Variants in XYLT2 observed in about 807,000 individuals in gnomAD.
XYLT2 encodes the protein UDP-D-xylose:proteoglycan core protein beta-D-xylosyltransferase.
XYLT2 carries 37 observed loss-of-function variants against 82.6 expected under a neutral mutation model. That is an observed-to-expected ratio of 0.45 (90% CI 0.34 to 0.59). XYLT2 has a LOEUF of 0.59. XYLT2 is among the 20% of genes least tolerant of loss of function. The probability of loss-of-function intolerance (pLI) is 0.01; values close to 1 mark genes in which losing one functional copy is unlikely to be tolerated. For missense variants in XYLT2, 934 were observed against 1,181.3 expected (o/e 0.79, Z 3.07); for synonymous variants, 474 against 499.0 (o/e 0.95, Z 0.67).
intron 9 of XYLT2, 130 bp from the exon 10 acceptor site, chr17:50,358,077 T>C: frequency 1.2e-6 from 1 of 811,606 alleles, no homozygotes; most frequent in South Asian, 1.8e-5. Flanking sequence ...CCCCTTCATT[T>C]TGCAGATGGG....
chr17:50,346,317 G>C lies in XYLT2; in HGVS notation c.135+42G>C. 9.7e-7 allele frequency: 1 copy of C among 1,027,902 alleles called. No homozygotes were observed. Among genetic ancestry groups the C allele is most frequent in the Non-Finnish European group, 1.2e-6 (1 of 858,822 alleles). The allele number at this position is 1,027,902 out of a possible 1,614,324, so 63.7% of individuals were successfully genotyped here. ...GCGGGCGGGCAGGCCGGGCGCGGGG[G>C]CGCGCGGGGTCCTGGCGGGGCTGCG... is the stretch of plus-strand genomic sequence containing the variant. On this transcript the variant is annotated intron_variant, in intron 1 of 10. Transcript: ENST00000017003. This position sits in a 1 kb window ranked among gnomAD's most constrained non-coding sequence, Gnocchi z 5.1.
chr17:50,346,326 GTCC>G lies in XYLT2; in HGVS notation c.135+53_135+55del. On this transcript the variant is annotated intron_variant, in intron 1 of 10. Coordinates refer to ENST00000017003, the MANE Select transcript of XYLT2 (RefSeq NM_022167.4). The surrounding 1 kb of genome is among the most constrained non-coding windows in gnomAD (Gnocchi z 5.1). ...CAGGCCGGGCGCGGGGGCGCGCGGG[GTCC>G]TGGCGGGGCTGCGGGCGGCCCCAGC... 9.9e-7 allele frequency: 1 copy of G among 1,014,204 alleles called. No individual in the cohort carries two copies. Among genetic ancestry groups the G allele is most frequent in the Non-Finnish European group, 1.2e-6 (1 of 850,038 alleles). The allele number at this position is 1,014,204 out of a possible 1,614,324, so 62.8% of individuals were successfully genotyped here. A position where few individuals can be genotyped will look rare whatever the true frequency, so the allele number is the denominator to read the frequency against.
rs991378412 is a variant in XYLT2, at chr17:50,347,277, T to A, written c.135+1002T>A. Reference sequence around the variant, plus strand: ...GCCTCCAGGGCTCCGGGTCAGAGACTCTATCTGCTGCTGTCCTCCGGCAAG... The same window carrying A: ...GCCTCCAGGGCTCCGGGTCAGAGACACTATCTGCTGCTGTCCTCCGGCAAG... On this transcript the variant is annotated intron_variant, in intron 1 of 10. Coordinates refer to ENST00000017003, the MANE Select transcript of XYLT2 (RefSeq NM_022167.4). Among the ~76,000 whole-genome samples, 13 of 144,786 alleles carry A rather than the reference T, an allele frequency of 9.0e-5. No individual in the cohort carries two copies. The Middle Eastern group carries it at 0.011, about 128-fold the overall frequency. 95.0% of individuals were successfully genotyped at this position (144,786 alleles called of 152,430 possible).
chr17:50,359,933 C>A (rs748403760), intron 10 of XYLT2, 36 bp from the exon 11 acceptor site: 1 of 1,514,974 alleles, frequency 6.6e-7, no homozygotes, highest in African/African-American at 1.4e-5. Context: ...GAGTCTGTTG[C>A]AGGGGGTGTG....
intron 3 of XYLT2, 111 bp from the exon 4 acceptor site, chr17:50,354,743 C>A: frequency 6.5e-7 from 1 of 1,548,008 alleles, no homozygotes; most frequent in Admixed American, 1.7e-5. Flanking sequence ...CGCTTAGGGG[C>A]TGGAGCCCTG....
At chr17:50,356,846 C>A in intron 8 of XYLT2, 73 bp downstream of exon 8, 1 of 1,539,562 alleles carries the variant, frequency 6.5e-7, no homozygotes, top group South Asian at 1.2e-5. Flanking sequence ...CAGAGAGTGA[C>A]GTCCCCTGCC....
chr17:50,350,675 A>G (rs914165054), intron 1 of XYLT2, among the ~76,000 whole-genome samples: 1 of 152,186 alleles, frequency 6.6e-6, no homozygotes, highest in Admixed American at 6.5e-5. Context: ...GGAACTTACA[A>G]TCTTCTGAGG....
Position 50,346,550 on chromosome 17 carries a change from C to A in XYLT2, c.135+275C>A. On this transcript the variant is annotated intron_variant, in intron 1 of 10. Transcript: ENST00000017003. This position sits in a 1 kb window ranked among gnomAD's most constrained non-coding sequence, Gnocchi z 5.1. ...GAGCAGGTCATGCTAGGGTGGTCTCCGGCCAAGGGAGCGATGAAGGTCAGG... is the reference window on the plus strand; with the variant it reads ...GAGCAGGTCATGCTAGGGTGGTCTCAGGCCAAGGGAGCGATGAAGGTCAGG... 1 of 957,100 alleles carries A rather than the reference C, an allele frequency of 1.0e-6. No homozygotes were observed. Among genetic ancestry groups the A allele is most frequent in the Non-Finnish European group, 1.2e-6 (1 of 804,102 alleles). 59.3% of individuals were successfully genotyped at this position (957,100 alleles called of 1,614,324 possible). A position where few individuals can be genotyped will look rare whatever the true frequency, so the allele number is the denominator to read the frequency against.
chr17:50,355,080 C>G (rs776168770), intron 4 of XYLT2, 24 bp downstream of exon 4: 2 of 1,521,638 alleles, frequency 1.3e-6, no homozygotes, highest in Non-Finnish European at 1.8e-6. Flanking sequence ...GCTCTGAGTC[C>G]TCTGCATGGG....
chr17:50,357,885 T>TC (rs369125657), intron 9 of XYLT2: 1 of 323,524 alleles, frequency 3.1e-6, no homozygotes, highest in East Asian at 5.2e-5. Flanking sequence ...TGGCCCCTCC[T>TC]CATAGTCTCT....
Position 50,346,736 on chromosome 17 carries a change from GA to G in XYLT2, c.135+462del. The stretch of plus-strand genomic sequence containing the variant: ...AGGGCGTCCTTCCCCAGCTGAGCCC[GA>G]GGGGCAGCGGCCGGTGAGGAAGGGG... On this transcript the variant is annotated intron_variant, in intron 1 of 10. Coordinates refer to ENST00000017003, the MANE Select transcript of XYLT2 (RefSeq NM_022167.4). This position sits in a 1 kb window ranked among gnomAD's most constrained non-coding sequence, Gnocchi z 5.1. The G allele has an allele frequency of 1.0e-6, 1 of 985,418 alleles. No individual in the cohort carries two copies. The allele number at this position is 985,418 out of a possible 1,614,324, so 61.0% of individuals were successfully genotyped here. A position where few individuals can be genotyped will look rare whatever the true frequency, so the allele number is the denominator to read the frequency against.
In XYLT2 at chr17:50,360,256, C is replaced by G; in HGVS notation, c.2563C>G (p.Leu855Val). 1 of 1,609,158 alleles carries G rather than the reference C, an allele frequency of 6.2e-7. No individual in the cohort carries two copies. Among genetic ancestry groups the G allele is most frequent in the South Asian group, 1.1e-5 (1 of 90,776 alleles). ...SSLSPDPKSE[L>V]GPVKADGRLR is the part of the protein sequence containing the mutation. The stretch of plus-strand genomic sequence containing the variant: ...TCTGTCCCCCGACCCCAAATCAGAG[C>G]TGGGGCCTGTCAAAGCAGACGGGCG... The change falls in exon 11 of 11, where the codon CTG (leucine) becomes GTG (valine). Residue 855 changes from leucine (L) to valine (V), a missense_variant. By Grantham distance (32) the Leu-to-Val change is conservative. Coordinates refer to ENST00000017003, the MANE Select transcript of XYLT2 (RefSeq NM_022167.4).
At chr17:50,347,972 G>A (rs1241067808) in intron 1 of XYLT2, among the ~76,000 whole-genome samples, 1 of 152,208 alleles carries the variant, frequency 6.6e-6, no homozygotes, top group East Asian at 1.9e-4. Context: ...GGCACCTCCC[G>A]TGTTAGGTGA....
In XYLT2 at chr17:50,358,462, C is replaced by A; in HGVS notation, c.2197C>A (p.Gln733Lys). Reference protein sequence around the residue: ...RPGPWTVRLLQFWEPLGETRF... With the variant: ...RPGPWTVRLLKFWEPLGETRF... ...AGGGCCCTGGACTGTTCGACTCCTT[C>A]AGTTCTGGGAACCGCTGGGTGAGAC... Residue 733 changes from glutamine to lysine, a missense_variant, in exon 10 of 11, where the codon CAG (glutamine) becomes AAG (lysine). Gln to Lys is a moderately conservative substitution (Grantham distance 53). Coordinates refer to ENST00000017003, the MANE Select transcript of XYLT2 (RefSeq NM_022167.4). The A allele has an allele frequency of 6.2e-7, 1 of 1,614,218 alleles. No homozygotes were observed. Among genetic ancestry groups the A allele is most frequent in the Non-Finnish European group, 8.5e-7 (1 of 1,180,044 alleles).
Position 50,350,546 on chromosome 17 carries a change from A to G in XYLT2, c.136-3084A>G, listed in dbSNP as rs545846866. Among the ~76,000 whole-genome samples the G allele has an allele frequency of 6.2e-4, 94 of 150,760 alleles. 1 individual carries two copies. Among genetic ancestry groups the G allele is most frequent in the South Asian group, 4.7e-3 (22 of 4,666 alleles). On this transcript the variant is annotated intron_variant, in intron 1 of 10. Transcript: ENST00000017003. ...TGCACCACTGCACTCCAGCCTGGGCAATAGAGTGAGACTGCCTCAGAAAAA... is the reference window on the plus strand; with the variant it reads ...TGCACCACTGCACTCCAGCCTGGGCGATAGAGTGAGACTGCCTCAGAAAAA...
chr17:50,354,055 T>A lies in XYLT2; in HGVS notation c.561T>A (p.Asn187Lys), dbSNP rs1428776490. 1 of 1,608,418 alleles carries A rather than the reference T, an allele frequency of 6.2e-7. No individual in the cohort carries two copies. The highest frequency in any genetic ancestry group is 1.7e-5 in the Admixed American group (1 of 60,006). Residue 187 changes from asparagine to lysine, a missense_variant, in exon 2 of 11, where the codon AAT becomes AAA. By Grantham distance (94) the Asn-to-Lys change is moderately conservative. Transcript: ENST00000017003. ...AGCAGTGCCAGCAGGAGATCGCCAATGTGGTGTGCCTGCACCAGGCTGGGA... is the reference window on the plus strand; with the variant it reads ...AGCAGTGCCAGCAGGAGATCGCCAAAGTGGTGTGCCTGCACCAGGCTGGGA... ...STKQCQQEIA[N>K]VVCLHQAGSL... is the part of the protein sequence containing the mutation.
At position 50,346,198 on chromosome 17, in the gene XYLT2, A is replaced by G; in HGVS notation, c.58A>G (p.Thr20Ala). The change falls in exon 1 of 11, where the codon ACG becomes GCG. Residue 20 changes from threonine to alanine, a missense_variant. Thr to Ala is a moderately conservative substitution (Grantham distance 58). Coordinates refer to ENST00000017003, the MANE Select transcript of XYLT2 (RefSeq NM_022167.4). The surrounding 1 kb of genome is among the most constrained non-coding windows in gnomAD (Gnocchi z 5.1). ...GCGGCGCTACAAGCTGGCGATTGCC[A>G]CGGCGCTGGCCATCCTGCTGCTGCA... ...LVRRYKLAIA[T>A]ALAILLLQGL... 2 of 1,293,462 alleles carry G rather than the reference A, an allele frequency of 1.5e-6. No homozygotes were observed. The highest frequency in any genetic ancestry group is 2.0e-6 in the Non-Finnish European group (2 of 994,448). 80.1% of individuals were successfully genotyped at this position (1,293,462 alleles called of 1,614,324 possible).
chr17:50,355,191 C>G (rs1912465609), intron 4 of XYLT2, 135 bp downstream of exon 4: 1 of 988,202 alleles, frequency 1.0e-6, no homozygotes, highest in Non-Finnish European at 1.5e-6. Flanking sequence ...ACATGGGCCC[C>G]TGGGCCCCAG....
rs113598423 is a variant in XYLT2, at chr17:50,360,006, C to T, written c.2313C>T (p.Asn771=). The change falls in exon 11 of 11, where the codon AAC becomes AAT. Residue 771 remains asparagine (N), a synonymous_variant. Coordinates refer to ENST00000017003, the MANE Select transcript of XYLT2 (RefSeq NM_022167.4). ...ASWLHAGPPH[N]EYMEQSFQGL... is the part of the protein sequence containing the mutation. ...GGCTGCACGCAGGGCCACCCCACAA[C>T]GAGTACATGGAGCAGAGTTTCCAGG... 4.9e-5 allele frequency: 79 copies of T among 1,612,040 alleles called. 1 individual carries two copies. The highest frequency in any genetic ancestry group is 5.3e-5 in the African/African-American group (4 of 75,034).
Sources: gnomAD v4.1 joint callset for allele counts (sites outside exome capture counted in the v4.1 genomes callset) on GRCh38, gnomAD v4.1.1 for gene constraint, Gnocchi (gnomAD v3.1) non-coding constraint, MANE v1.5 for transcripts, NCBI Gene and HGNC (gene_info 2026-07-23, HGNC 2026-07-21) for gene names.